MAF: variants seen among roughly 807,000 people sequenced by gnomAD.
The protein encoded by MAF is transcription factor Maf.
In MAF, 10 loss-of-function variants were observed where a neutral mutation model predicts 22.0. That is an observed-to-expected ratio of 0.45 (90% confidence interval 0.28 to 0.77). The LOEUF is 0.77. Among genes scored for constraint, MAF ranks in the 30% least tolerant of loss-of-function variants. The probability of loss-of-function intolerance (pLI) is 0.12; values close to 1 mark genes in which losing one functional copy is unlikely to be tolerated. For synonymous variants in MAF, 337 were observed against 255.8 expected (o/e 1.32, Z -3.03); for missense variants, 544 against 548.4 (o/e 0.99, Z 0.08).
the MAF span, among the ~76,000 whole-genome samples, chr16:79,405,720 A>G: frequency 2.0e-5 from 3 of 152,218 alleles, no homozygotes; most frequent in African/African-American, 7.2e-5. Context: ...CATCCTTTAG[A>G]TTATCAATGA....
At chr16:79,489,662 G>C in the MAF span, among the ~76,000 whole-genome samples, 1 of 152,372 alleles carries the variant, frequency 6.6e-6, no homozygotes, top group Non-Finnish European at 1.5e-5. Flanking sequence ...CATGGCCAAA[G>C]AGATGGCCCG....
the MAF span, among the ~76,000 whole-genome samples, chr16:79,216,811 C>CTT: frequency 6.7e-3 from 938 of 140,932 alleles, 11 homozygotes; most frequent in African/African-American, 0.023. Flanking sequence ...CTATCTGCTA[C>CTT]TTTTTTTTTT....
At chr16:79,544,769 T>C in the MAF span, among the ~76,000 whole-genome samples, 2 of 86,560 alleles carry the variant, frequency 2.3e-5, no homozygotes, top group African/African-American at 7.3e-5. Flanking sequence ...CAAGGCTCTG[T>C]CTCAAAAAAA....
chr16:79,349,925 G>GT, the MAF span, among the ~76,000 whole-genome samples: 1 of 152,106 alleles, frequency 6.6e-6, no homozygotes, highest in Non-Finnish European at 1.5e-5. Flanking sequence ...ACTTTTCATC[G>GT]TTTTCCAAAA....
chr16:79,371,059 T>C, the MAF span, among the ~76,000 whole-genome samples: 6 of 152,340 alleles, frequency 3.9e-5, no homozygotes, highest in East Asian at 5.8e-4. Context: ...TCACTCAGCA[T>C]TGACTGAAGT....
the MAF span, among the ~76,000 whole-genome samples, chr16:79,215,773 C>T: frequency 3.9e-5 from 6 of 152,182 alleles, no homozygotes; most frequent in Non-Finnish European, 7.3e-5. Context: ...AAGTAAACCC[C>T]TCCACAGCCT....
At chr16:79,254,367 A>ACAT in the MAF span, among the ~76,000 whole-genome samples, 1 of 152,136 alleles carries the variant, frequency 6.6e-6, no homozygotes, top group African/African-American at 2.4e-5. Context: ...GCATCTCTCT[A>ACAT]TGACTTCATA....
chr16:79,512,136 T>C, the MAF span, among the ~76,000 whole-genome samples: 2 of 152,204 alleles, frequency 1.3e-5, no homozygotes, highest in African/African-American at 4.8e-5. Context: ...GCTCTTTGAA[T>C]GACAATGTTT....
chr16:79,566,321 CA>C, the MAF span, among the ~76,000 whole-genome samples: 1 of 152,132 alleles, frequency 6.6e-6, no homozygotes, highest in South Asian at 2.1e-4. Flanking sequence ...TAGGGTCTTA[CA>C]AAAGGCTGTA....
chr16:79,317,524 TC>T, the MAF span, among the ~76,000 whole-genome samples: 1 of 142,372 alleles, frequency 7.0e-6, no homozygotes, highest in Non-Finnish European at 1.5e-5. Context: ...CCTCCCTCCC[TC>T]TCTTCCTTCC....
downstream of MAF, among the ~76,000 whole-genome samples, chr16:79,585,167 A>T (rs1912760442): frequency 6.6e-6 from 1 of 152,236 alleles, no homozygotes; most frequent in African/African-American, 2.4e-5. Context: ...TAGTTTTCCA[A>T]ATGAAGAGGG....
At chr16:79,265,399 T>A in the MAF span, among the ~76,000 whole-genome samples, 6 of 152,148 alleles carry the variant, frequency 3.9e-5, no homozygotes, top group African/African-American at 1.4e-4. Context: ...CCCAGCCTCC[T>A]CTCACTTCTC....
chr16:79,318,631 T>C, the MAF span, among the ~76,000 whole-genome samples: 1 of 152,162 alleles, frequency 6.6e-6, no homozygotes, highest in African/African-American at 2.4e-5. Context: ...AAGGAGTAAA[T>C]TAAACATTAT....
chr16:79,491,042 A>G, the MAF span, among the ~76,000 whole-genome samples: 1 of 152,240 alleles, frequency 6.6e-6, no homozygotes, highest in Non-Finnish European at 1.5e-5. Flanking sequence ...ATAAATGGAA[A>G]CAAGTCACAG....
In MAF at chr16:79,599,090, C is replaced by A. The variant is rs750705025; in HGVS notation, c.813G>T (p.Val271=). 2 of 1,608,650 alleles carry A rather than the reference C, an allele frequency of 1.2e-6. No homozygotes were observed. Among genetic ancestry groups the A allele is most frequent in the Non-Finnish European group, 1.7e-6 (2 of 1,179,548 alleles). Residue 271 remains valine, a synonymous_variant, in exon 1 of 2, where the codon GTG becomes GTT. Coordinates refer to ENST00000326043, the MANE Select transcript of MAF (RefSeq NM_005360.5). ...FSDEQLVTMS[V]RELNRQLRGV... is the part of the protein sequence containing the mutation. The stretch of plus-strand genomic sequence containing the variant: ...CGCGCAGCTGCCGGTTCAGCTCGCG[C>A]ACAGACATGGTCACCAGCTGCTCGT...
chr16:79,226,535 T>G, the MAF span, among the ~76,000 whole-genome samples: 1 of 152,024 alleles, frequency 6.6e-6, no homozygotes, highest in African/African-American at 2.4e-5. Flanking sequence ...TAAAAAAATT[T>G]AAAAACAAAA....
chr16:79,317,231 CCCT>C, the MAF span, among the ~76,000 whole-genome samples: 2,410 of 149,078 alleles, frequency 0.016, 17 homozygotes, highest in Middle Eastern at 0.035. Context: ...ATCTCTCCCT[CCCT>C]CCTTTCTCTC....
the MAF span, among the ~76,000 whole-genome samples, chr16:79,414,414 T>C: frequency 6.6e-6 from 1 of 152,110 alleles, no homozygotes; most frequent in Non-Finnish European, 1.5e-5. Flanking sequence ...GCCAGGTTGT[T>C]TTAAAAATCA....
the MAF span, among the ~76,000 whole-genome samples, chr16:79,479,033 T>C: frequency 6.9e-6 from 1 of 145,318 alleles, no homozygotes; most frequent in African/African-American, 2.6e-5. Context: ...CAGCGTATAT[T>C]TATAGTATCC....
Sources: gnomAD v4.1 joint callset for allele counts (sites outside exome capture counted in the v4.1 genomes callset) on GRCh38, gnomAD v4.1.1 for gene constraint, MANE v1.5 for transcripts, NCBI Gene and HGNC (gene_info 2026-07-23, HGNC 2026-07-21) for gene names.